TBC1D5: variants seen among roughly 807,000 people sequenced by gnomAD.
The protein encoded by TBC1D5 is TBC1 domain family member 5, also known as TBC1 domain family, member 5.
A neutral mutation model predicts 100.3 loss-of-function variants in TBC1D5; 75 were observed. That is an observed-to-expected ratio of 0.75 (90% CI 0.62 to 0.91). The LOEUF (loss-of-function observed/expected upper bound fraction) is 0.91, where lower values mean the gene tolerates loss of function less well. TBC1D5 is among the 40% of genes least tolerant of loss of function. The probability of loss-of-function intolerance (pLI) is 0.00; values close to 1 mark genes in which losing one functional copy is unlikely to be tolerated. For synonymous variants in TBC1D5, 323 were observed against 325.6 expected, an observed-to-expected ratio of 0.99 and a Z score of 0.09; for missense variants, 910 against 942.4, an observed-to-expected ratio of 0.97 and a Z score of 0.45.
At chr3:17,629,694 A>G (rs781012829) in intron 1 of TBC1D5, among the ~76,000 whole-genome samples, 3 of 152,218 alleles carry the variant, frequency 2.0e-5, no homozygotes, top group Non-Finnish European at 4.4e-5. Context: ...GCACCTTTAT[A>G]CATAAATAAT....
At chr3:17,382,389 A>C (rs1333519737) in intron 9 of TBC1D5, among the ~76,000 whole-genome samples, 1 of 152,104 alleles carries the variant, frequency 6.6e-6, no homozygotes, top group African/African-American at 2.4e-5. Flanking sequence ...TTTAGGCACT[A>C]AATTTAAAAT....
chr3:17,578,431 A>T (rs2096671188), intron 2 of TBC1D5, among the ~76,000 whole-genome samples: 1 of 152,076 alleles, frequency 6.6e-6, no homozygotes, highest in African/African-American at 2.4e-5. Context: ...AAGAACATGA[A>T]CTTAAACCCA....
intron 4 of TBC1D5, among the ~76,000 whole-genome samples, chr3:17,427,180 A>T (rs1457210709): frequency 6.6e-6 from 1 of 151,976 alleles, no homozygotes; most frequent in African/African-American, 2.4e-5. Context: ...AAAATTTAAC[A>T]ACAACATATG....
intron 13 of TBC1D5, among the ~76,000 whole-genome samples, chr3:17,336,644 T>C (rs1463795538): frequency 6.6e-6 from 1 of 151,702 alleles, no homozygotes; most frequent in African/African-American, 2.4e-5. Context: ...CCCAGCAACC[T>C]GGAATTAAAT....
chr3:17,338,552 C>T (rs904947291), intron 13 of TBC1D5: 10 of 152,106 alleles, frequency 6.6e-5, no homozygotes, highest in African/African-American at 2.4e-4. Flanking sequence ...CTGTGCCAAG[C>T]ACAAATAAAT....
intron 3 of TBC1D5, among the ~76,000 whole-genome samples, chr3:17,502,062 A>G (rs1222314843): frequency 6.7e-6 from 1 of 149,318 alleles, no homozygotes; most frequent in Non-Finnish European, 1.5e-5. Context: ...TTTCCCTTCT[A>G]TGATTACAAC....
At chr3:17,183,454 G>GAATTTTT (rs1346744615) in intron 19 of TBC1D5, among the ~76,000 whole-genome samples, 1 of 152,182 alleles carries the variant, frequency 6.6e-6, no homozygotes, top group Non-Finnish European at 1.5e-5. Flanking sequence ...AGGTCTATAT[G>GAATTTTT]AATTTTTAAA....
At chr3:17,376,497 TG>T in intron 10 of TBC1D5, 27 bp downstream of exon 10, 4 of 1,573,410 alleles carry the variant, frequency 2.5e-6, no homozygotes, top group Non-Finnish European at 3.4e-6. Context: ...AAAAAACAAA[TG>T]GAGCTCATAT....
At chr3:17,732,757 T>C (rs941126743) in intron 1 of TBC1D5, among the ~76,000 whole-genome samples, 3 of 72,760 alleles carry the variant, frequency 4.1e-5, no homozygotes, top group Admixed American at 1.4e-4. Context: ...AATTTAAATA[T>C]ATATCTATAA....
chr3:17,275,258 T>A (rs1418064499), intron 15 of TBC1D5, among the ~76,000 whole-genome samples: 1 of 152,090 alleles, frequency 6.6e-6, no homozygotes, highest in African/African-American at 2.4e-5. Flanking sequence ...AAAATCTGGG[T>A]GGGCTGGGTA....
At chr3:17,292,590 T>G (rs1371406742) in intron 14 of TBC1D5, among the ~76,000 whole-genome samples, 1 of 152,198 alleles carries the variant, frequency 6.6e-6, no homozygotes, top group African/African-American at 2.4e-5. Flanking sequence ...TGTCATAGGT[T>G]AAGTCTAAAT....
intron 3 of TBC1D5, among the ~76,000 whole-genome samples, chr3:17,438,829 C>T (rs370982500): frequency 6.6e-6 from 1 of 151,972 alleles, no homozygotes; most frequent in South Asian, 2.1e-4. Context: ...ATACCCTCCT[C>T]AAAACAACAA....
intron 4 of TBC1D5, among the ~76,000 whole-genome samples, chr3:17,411,648 A>C (rs1268478451): frequency 6.6e-6 from 1 of 152,134 alleles, no homozygotes; most frequent in African/African-American, 2.4e-5. Flanking sequence ...GAAATTGTAA[A>C]AGTACAGGCA....
chr3:17,734,743 C>T (rs1192830688), intron 1 of TBC1D5, among the ~76,000 whole-genome samples: 1 of 152,154 alleles, frequency 6.6e-6, no homozygotes, highest in Non-Finnish European at 1.5e-5. Context: ...AAAGGGTAAA[C>T]TGGCATAATC....
chr3:17,456,735 T>G (rs555743423), intron 3 of TBC1D5, among the ~76,000 whole-genome samples: 1 of 152,064 alleles, frequency 6.6e-6, no homozygotes, highest in South Asian at 2.1e-4. Flanking sequence ...AGTTTGGAGG[T>G]TCCTCAAAAA....
chr3:17,195,317 TTACTCTACTTA>T (rs1219842156), intron 18 of TBC1D5, among the ~76,000 whole-genome samples: 1 of 152,218 alleles, frequency 6.6e-6, no homozygotes, highest in African/African-American at 2.4e-5. Flanking sequence ...AACACAGATG[TTACTCTACTTA>T]ACAAGGGTTT....
chr3:17,434,421 G>A (rs996411591), intron 3 of TBC1D5, among the ~76,000 whole-genome samples: 1 of 152,192 alleles, frequency 6.6e-6, no homozygotes, highest in Non-Finnish European at 1.5e-5. Context: ...GCCAAGGCTT[G>A]GGGCTTGCAC....
Position 17,495,174 on chromosome 3 carries a change from CA to C in TBC1D5, c.97+13299del, listed in dbSNP as rs1178006534. ...TAGCCGCCACTTTTGTTTTCCTCCA[CA>C]GGAGCCACAGATGGAAGCTGCTTCT... On this transcript the variant is annotated intron_variant, in intron 3 of 21. Transcript: ENST00000253692. Among the ~76,000 whole-genome samples, 11 of 152,352 alleles carry C rather than the reference CA, an allele frequency of 7.2e-5. No homozygotes were observed. The East Asian group carries it at 1.5e-3, about 21-fold the overall frequency.
At chr3:17,504,451 AC>A (rs201014955) in intron 3 of TBC1D5, among the ~76,000 whole-genome samples, 4 of 151,760 alleles carry the variant, frequency 2.6e-5, no homozygotes, top group African/African-American at 9.7e-5. Flanking sequence ...TAAATTAAAA[AC>A]AAAATAAAAA....
Sources: gnomAD v4.1 joint callset for allele counts (sites outside exome capture counted in the v4.1 genomes callset) on GRCh38, gnomAD v4.1.1 for gene constraint, MANE v1.5 for transcripts, NCBI Gene and HGNC (gene_info 2026-07-23, HGNC 2026-07-21) for gene names.